Variants in NEU4 observed in about 807,000 individuals in gnomAD.
The protein encoded by NEU4 is neuraminidase 4.
Under a neutral mutation model 9.9 loss-of-function variants are expected in NEU4, and 7 were observed. That is an observed-to-expected ratio of 0.71 (90% CI 0.40 to 1.33). NEU4 has a LOEUF of 1.33. Among genes scored for constraint, NEU4 ranks in the 40% most tolerant of loss-of-function variants. NEU4 has a pLI of 0.01. For missense variants in NEU4, 717 were observed against 712.6 expected (o/e 1.01, Z -0.07); for synonymous variants, 348 against 316.9 (o/e 1.10, Z -1.04).
intron 3 of NEU4, 69 bp downstream of exon 3, chr2:241,815,216 CG>C: frequency 2.1e-6 from 3 of 1,455,974 alleles, no homozygotes; most frequent in Middle Eastern, 1.9e-4. Flanking sequence ...GAGATTCCAG[CG>C]GGAAATTGCC....
Position 241,809,386 on chromosome 2 carries a change from G to T in NEU4, c.-4+112G>T, listed in dbSNP as rs1202067446. ...TGTCCGGGCTGTGCATTGAGAAGGG[G>T]CGGTTAAAATGCTGCCACGTCGTGC... On this transcript the variant is annotated intron_variant, in intron 1 of 3. Transcript: ENST00000407683. 9.4e-6 allele frequency: 5 copies of T among 529,256 alleles called. No homozygotes were observed. The African/African-American group carries it at 9.9e-5, about 10-fold the overall frequency. 32.8% of individuals were successfully genotyped at this position (529,256 alleles called of 1,614,324 possible). A position where few individuals can be genotyped will look rare whatever the true frequency, so the allele number is the denominator to read the frequency against.
Position 241,815,830 on chromosome 2 carries a change from G to T in NEU4, c.458-221G>T, listed in dbSNP as rs1180553839. ...GTGGGCAGCGCTCACCAGCCTCCCT[G>T]GGTGCCGTCCACCTGGGCTCGGCTG... On this transcript the variant is annotated intron_variant, in intron 3 of 3. Coordinates refer to ENST00000407683, the MANE Select transcript of NEU4 (RefSeq NM_001167600.3). 2.5e-5 allele frequency: 15 copies of T among 601,514 alleles called. 1 individual carries two copies. The South Asian group carries it at 2.8e-4, about 11-fold the overall frequency. 37.3% of individuals were successfully genotyped at this position (601,514 alleles called of 1,614,324 possible). A position where few individuals can be genotyped will look rare whatever the true frequency, so the allele number is the denominator to read the frequency against.
In NEU4 at chr2:241,814,473, G is replaced by T; in HGVS notation, c.-3-9G>T. 1 of 1,610,176 alleles carries T rather than the reference G, an allele frequency of 6.2e-7. No homozygotes were observed. The highest frequency in any genetic ancestry group is 1.1e-5 in the South Asian group (1 of 90,774). On this transcript the variant is annotated splice_polypyrimidine_tract_variant and intron_variant, in intron 1 of 3. Transcript: ENST00000407683. ...TCTTGCTGACCTGTGGCCCTGTACTGACCAGCAGAGCATGGGGGTCCCTCG... is the reference window on the plus strand; with the variant it reads ...TCTTGCTGACCTGTGGCCCTGTACTTACCAGCAGAGCATGGGGGTCCCTCG...
At chr2:241,811,319 G>A (rs376240484) in intron 1 of NEU4, 110 of 1,343,618 alleles carry the variant, frequency 8.2e-5, no homozygotes, top group African/African-American at 6.6e-4. Flanking sequence ...CCGTGCCACC[G>A]TGGGAGTGTC....
intron 1 of NEU4, 92 bp from the exon 2 acceptor site, chr2:241,814,390 C>A (rs2125214786): frequency 8.0e-7 from 1 of 1,244,426 alleles, no homozygotes; most frequent in South Asian, 1.4e-5. Flanking sequence ...GCTGTCTGCA[C>A]CTCCTGAGCG....
intron 1 of NEU4, among the ~76,000 whole-genome samples, chr2:241,810,164 T>C (rs1483752126): frequency 2.0e-5 from 3 of 152,172 alleles, no homozygotes; most frequent in Non-Finnish European, 2.9e-5. Flanking sequence ...CCAAGTTGCC[T>C]GGACTGGGTC....
In NEU4 at chr2:241,816,123, A is replaced by C; in HGVS notation, c.530A>C (p.Tyr177Ser). Reference protein sequence around the residue: ...LPSGRLLVPAYTYRVDRRECF... With the variant: ...LPSGRLLVPASTYRVDRRECF... ...TCAGGCCGCCTGCTGGTACCCGCCT[A>C]CACCTACCGCGTGGACCGCCGAGAG... The change falls in exon 4 of 4, where the codon TAC becomes TCC. Residue 177 changes from tyrosine to serine, a missense_variant. Coordinates refer to ENST00000407683, the MANE Select transcript of NEU4 (RefSeq NM_001167600.3). The C allele has an allele frequency of 6.2e-7, 1 of 1,611,788 alleles. No individual in the cohort carries two copies. The highest frequency in any genetic ancestry group is 1.7e-5 in the Admixed American group (1 of 59,908).
intron 1 of NEU4, chr2:241,811,519 G>A (rs1183715313): frequency 1.4e-6 from 2 of 1,403,578 alleles, no homozygotes; most frequent in Non-Finnish European, 1.9e-6. Flanking sequence ...GGCGCCCGGG[G>A]TCAGGACCCG....
chr2:241,815,740 C>T, intron 3 of NEU4: 1 of 570,026 alleles, frequency 1.8e-6, no homozygotes, highest in East Asian at 3.1e-5. Context: ...GCAGCAGACA[C>T]ATGGCCAACC....
chr2:241,815,863 CTG>C, intron 3 of NEU4, 186 bp from the exon 4 acceptor site: 1 of 641,786 alleles, frequency 1.6e-6, no homozygotes, highest in East Asian at 2.7e-5. Flanking sequence ...CTGCTAAGGG[CTG>C]TGAGAGGCTT....
intron 1 of NEU4, chr2:241,811,394 T>C: frequency 6.6e-7 from 1 of 1,525,078 alleles, no homozygotes; most frequent in South Asian, 1.2e-5. Context: ...CAGTGGGCCC[T>C]TGTCTCTGCT....
At chr2:241,814,434 G>T in intron 1 of NEU4, 48 bp from the exon 2 acceptor site, 15 of 1,564,372 alleles carry the variant, frequency 9.6e-6, no homozygotes, top group Non-Finnish European at 1.3e-5. Context: ...CGAGTGTGGG[G>T]CTCCCTGGGC....
rs572356430 is a variant in NEU4 at position 241,815,974 on chromosome 2, G to A, written c.458-77G>A. On this transcript the variant is annotated intron_variant, in intron 3 of 3. Coordinates refer to ENST00000407683, the MANE Select transcript of NEU4 (RefSeq NM_001167600.3). ...CCGAGGCACCAGCCCCTCCTTCCCCGTCCCCCTGTGCCTTCCTCCAGCCCC... is the reference window on the plus strand; with the variant it reads ...CCGAGGCACCAGCCCCTCCTTCCCCATCCCCCTGTGCCTTCCTCCAGCCCC... 9.1e-5 allele frequency: 125 copies of A among 1,375,018 alleles called. 2 individuals carry two copies. The South Asian group carries it at 1.1e-3, about 12-fold the overall frequency. The allele number at this position is 1,375,018 out of a possible 1,614,324, so 85.2% of individuals were successfully genotyped here. A position where few individuals can be genotyped will look rare whatever the true frequency, so the allele number is the denominator to read the frequency against.
At chr2:241,815,405 T>A in intron 3 of NEU4, 1 of 599,174 alleles carries the variant, frequency 1.7e-6, no homozygotes, top group African/African-American at 1.9e-5. Flanking sequence ...CAAATCCCTC[T>A]CCCCAGGACC....
chr2:241,812,500 G>T (rs1209151648), intron 1 of NEU4, among the ~76,000 whole-genome samples: 3 of 147,378 alleles, frequency 2.0e-5, no homozygotes, highest in African/African-American at 7.7e-5. Flanking sequence ...GGACACGGAG[G>T]CTCTGTGGAA....
rs139467778 is a variant in NEU4 at position 241,816,140 on chromosome 2, C to T, written c.547C>T (p.Arg183Cys). ...LVPAYTYRVD[R>C]RECFGKICRT... is the part of the protein sequence containing the mutation. Reference sequence around the variant, plus strand: ...ACCCGCCTACACCTACCGCGTGGACCGCCGAGAGTGTTTTGGCAAGATCTG... The same window carrying T: ...ACCCGCCTACACCTACCGCGTGGACTGCCGAGAGTGTTTTGGCAAGATCTG... The change falls in exon 4 of 4, where the codon CGC (arginine) becomes TGC (cysteine). Residue 183 changes from arginine (R) to cysteine (C), a missense_variant. By Grantham distance (180) the Arg-to-Cys change is radical. Transcript: ENST00000407683. 175 of 1,612,218 alleles carry T rather than the reference C, an allele frequency of 1.1e-4. No individual in the cohort carries two copies. The highest frequency in any genetic ancestry group is 1.4e-4 in the Non-Finnish European group (163 of 1,179,804).
chr2:241,815,305 C>G (rs1280531800), intron 3 of NEU4, 158 bp downstream of exon 3: 4 of 1,060,328 alleles, frequency 3.8e-6, no homozygotes, highest in Non-Finnish European at 5.3e-6. Flanking sequence ...CCTCCCGTCC[C>G]AGGCAAATCC....
Position 241,817,010 on chromosome 2 carries a change from C to T in NEU4, c.1417C>T (p.Leu473Phe). 6.2e-7 allele frequency: 1 copy of T among 1,607,268 alleles called. No individual in the cohort carries two copies. The highest frequency in any genetic ancestry group is 1.1e-5 in the South Asian group (1 of 89,992). Residue 473 changes from leucine (L) to phenylalanine (F), a missense_variant, in exon 4 of 4, where the codon CTT becomes TTT. By Grantham distance (22) the Leu-to-Phe change is conservative. Coordinates refer to ENST00000407683, the MANE Select transcript of NEU4 (RefSeq NM_001167600.3). ...GCCCGCCAGCCCCAAACCGCCCAACCTTGGGGACAAGCCTCGGGGGTGCTG... is the reference window on the plus strand; with the variant it reads ...GCCCGCCAGCCCCAAACCGCCCAACTTTGGGGACAAGCCTCGGGGGTGCTG... ...NVPASPKPPN[L>F]GDKPRGCCWP... is the part of the protein sequence containing the mutation.
At position 241,816,154 on chromosome 2, in the gene NEU4, T is replaced by C. The variant is rs1176233518; in HGVS notation, c.561T>C (p.Phe187=). Residue 187 remains phenylalanine (F), a synonymous_variant, in exon 4 of 4, where the codon TTT becomes TTC. Transcript: ENST00000407683. ...YTYRVDRREC[F]GKICRTSPHS... ...ACCGCGTGGACCGCCGAGAGTGTTT[T>C]GGCAAGATCTGCCGGACCAGCCCTC... is the stretch of plus-strand genomic sequence containing the variant. 4 of 1,612,384 alleles carry C rather than the reference T, an allele frequency of 2.5e-6. No individual in the cohort carries two copies. Among genetic ancestry groups the C allele is most frequent in the African/African-American group, 2.7e-5 (2 of 74,910 alleles).
Sources: gnomAD v4.1 joint callset for allele counts (sites outside exome capture counted in the v4.1 genomes callset) on GRCh38, gnomAD v4.1.1 for gene constraint, MANE v1.5 for transcripts, NCBI Gene and HGNC (gene_info 2026-07-23, HGNC 2026-07-21) for gene names.